MYO9B: variants seen among roughly 807,000 people sequenced by gnomAD.
The protein encoded by MYO9B is unconventional myosin-IXb.
A neutral mutation model predicts 229.5 loss-of-function variants in MYO9B; 71 were observed. The observed-to-expected ratio is 0.31, with a 90% confidence interval of 0.26 to 0.38. The LOEUF is 0.38. Among genes scored for constraint, MYO9B ranks in the 10% least tolerant of loss-of-function variants. MYO9B has a pLI of 1.00. For missense variants in MYO9B, 2,255 were observed against 2,920.5 expected (o/e 0.77, Z 5.25); for synonymous variants, 1,185 against 1,235.8 (o/e 0.96, Z 0.86).
intron 2 of MYO9B, among the ~76,000 whole-genome samples, chr19:17,133,309 T>C (rs1250192607): frequency 6.6e-6 from 1 of 152,188 alleles, no homozygotes; most frequent in South Asian, 2.1e-4. Context: ...TCTTCTCTCT[T>C]AGGAATTTTC....
intron 3 of MYO9B, among the ~76,000 whole-genome samples, chr19:17,145,933 GGGATGGATGGATGGATGGATGATGGAT>G (rs1316667716): frequency 4.0e-5 from 6 of 151,322 alleles, no homozygotes; most frequent in East Asian, 3.9e-4. Context: ...GACTCATGAG[GGGATGGATGGATGGATGGATGATGGAT>G]GGATGGATGG....
At chr19:17,157,696 A>G (rs967552272) in intron 7 of MYO9B, 25 of 153,050 alleles carry the variant, frequency 1.6e-4, no homozygotes, top group Admixed American at 1.6e-3. Context: ...CCTGTACAGC[A>G]TAGCGTCTGT....
At chr19:17,140,571 C>G (rs1047880817) in intron 2 of MYO9B, among the ~76,000 whole-genome samples, 9 of 151,902 alleles carry the variant, frequency 5.9e-5, no homozygotes, top group Non-Finnish European at 8.8e-5. Flanking sequence ...TCACCGCAAC[C>G]TCCGCCTCCC....
In MYO9B at chr19:17,101,828, T is replaced by G; in HGVS notation, c.111T>G (p.Thr37=). The part of the protein sequence containing the change: ...TTESQASCRV[T]ATKDSTTSDV... Reference sequence around the variant, plus strand: ...AGAGCCAGGCCTCGTGCCGCGTGACTGCCACCAAGGACAGCACCACCTCGG... The same window carrying G: ...AGAGCCAGGCCTCGTGCCGCGTGACGGCCACCAAGGACAGCACCACCTCGG... Residue 37 remains threonine, a synonymous_variant, in exon 2 of 40, where the codon ACT becomes ACG. Transcript: ENST00000682292. This position sits in a 1 kb window ranked among gnomAD's most constrained non-coding sequence, Gnocchi z 4.7. The G allele has an allele frequency of 6.2e-7, 1 of 1,608,752 alleles. No individual in the cohort carries two copies. The highest frequency in any genetic ancestry group is 8.5e-7 in the Non-Finnish European group (1 of 1,179,140).
chr19:17,137,766 CAG>C (rs1429452928), intron 2 of MYO9B, among the ~76,000 whole-genome samples: 2 of 151,932 alleles, frequency 1.3e-5, no homozygotes, highest in African/African-American at 2.4e-5. Flanking sequence ...TTATTTGAAA[CAG>C]AGTCTCGCTC....
In MYO9B at chr19:17,212,304, T is replaced by G; in HGVS notation, c.6468T>G (p.Asn2156Lys). ...TGCCCCCCGCCTCGGGCCAGACCAA[T>G]GGCTGAGAGCCACAGCTGACAAAGT... is the stretch of plus-strand genomic sequence containing the variant. Reference protein sequence around the residue: ...YCLPPASGQTNG With the variant: ...YCLPPASGQTKG The change falls in exon 40 of 40, where the codon AAT becomes AAG. Residue 2156 changes from asparagine to lysine, a missense_variant. By Grantham distance (94) the Asn-to-Lys change is moderately conservative. Around this residue, in one of 7 missense-constraint regions of MYO9B, gnomAD observed 331 missense variants for 332.5 expected, o/e 1.00. Coordinates refer to ENST00000682292, the MANE Select transcript of MYO9B (RefSeq NM_004145.4). The surrounding 1 kb of genome is among the most constrained non-coding windows in gnomAD (Gnocchi z 5.4). The G allele has an allele frequency of 6.7e-7, 1 of 1,497,388 alleles. No homozygotes were observed. Among genetic ancestry groups the G allele is most frequent in the Non-Finnish European group, 8.8e-7 (1 of 1,132,072 alleles). 92.8% of individuals were successfully genotyped at this position (1,497,388 alleles called of 1,614,324 possible). A position where few individuals can be genotyped will look rare whatever the true frequency, so the allele number is the denominator to read the frequency against.
chr19:17,128,016 T>C (rs976742239), intron 2 of MYO9B, among the ~76,000 whole-genome samples: 4 of 152,114 alleles, frequency 2.6e-5, no homozygotes, highest in Non-Finnish European at 4.4e-5. Flanking sequence ...AGCAGTAGCC[T>C]TGAACCTCCA....
At chr19:17,170,816 C>G (rs1269418827) in intron 11 of MYO9B, among the ~76,000 whole-genome samples, 1 of 141,054 alleles carries the variant, frequency 7.1e-6, no homozygotes, top group Admixed American at 7.3e-5. Context: ...AGAGCAAGAC[C>G]CCAGCTCTAA....
Position 17,102,137 on chromosome 19 carries a change from C to T in MYO9B, c.420C>T (p.Leu140=). ...CCCGGCGCCTAGTGGAGCGTGGCCT[C>T]CTGCCACGGCAGCAGGCGGACTTTG... ...TATRRLVERG[L]LPRQQADFDD... The change falls in exon 2 of 40, where the codon CTC becomes CTT. Residue 140 remains leucine (L), a synonymous_variant. Coordinates refer to ENST00000682292, the MANE Select transcript of MYO9B (RefSeq NM_004145.4). 2 of 1,613,642 alleles carry T rather than the reference C, an allele frequency of 1.2e-6. No homozygotes were observed. Among genetic ancestry groups the T allele is most frequent in the Non-Finnish European group, 1.7e-6 (2 of 1,179,890 alleles).
chr19:17,093,750 T>C (rs1042282750), intron 1 of MYO9B, among the ~76,000 whole-genome samples: 1 of 151,668 alleles, frequency 6.6e-6, no homozygotes, highest in Non-Finnish European at 1.5e-5. Context: ...TGCGGTGCAG[T>C]AGTGCAGTCA....
At chr19:17,088,167 A>G (rs2057601683) in intron 1 of MYO9B, among the ~76,000 whole-genome samples, 2 of 152,200 alleles carry the variant, frequency 1.3e-5, no homozygotes, top group Admixed American at 1.3e-4. Context: ...TGCCTGTTCT[A>G]GCTTCTGGGG....
At chr19:17,143,174 G>A (rs1458713273) in intron 2 of MYO9B, among the ~76,000 whole-genome samples, 1 of 152,160 alleles carries the variant, frequency 6.6e-6, no homozygotes, top group Admixed American at 6.5e-5. Context: ...GGGAGGTGGA[G>A]ATTGCCGTGA....
intron 2 of MYO9B, among the ~76,000 whole-genome samples, chr19:17,107,449 G>A (rs184416066): frequency 6.6e-6 from 1 of 152,262 alleles, no homozygotes; most frequent in East Asian, 1.9e-4. Context: ...TCCCCACCAC[G>A]TTGCTGCCTC....
At chr19:17,208,854 C>T (rs1470823399) in intron 35 of MYO9B, among the ~76,000 whole-genome samples, 2 of 152,020 alleles carry the variant, frequency 1.3e-5, no homozygotes, top group Non-Finnish European at 2.9e-5. Context: ...CTGGTACTGA[C>T]CACTCCAGAC....
chr19:17,202,412 C>A, intron 28 of MYO9B, 109 bp downstream of exon 28: 1 of 1,089,980 alleles, frequency 9.2e-7, no homozygotes, highest in Non-Finnish European at 1.3e-6. Flanking sequence ...CCACACCCAC[C>A]CATGCCCTGC....
rs1385835739 is a variant in MYO9B at position 17,192,900 on chromosome 19, G to A, written c.2966G>A (p.Cys989Tyr). 3 of 1,550,170 alleles carry A rather than the reference G, an allele frequency of 1.9e-6. No individual in the cohort carries two copies. The highest frequency in any genetic ancestry group is 3.9e-5 in the Admixed American group (2 of 51,002). The change falls in exon 21 of 40, where the codon TGC (cysteine) becomes TAC (tyrosine). Residue 989 changes from cysteine (C) to tyrosine (Y), a missense_variant. Physicochemically the swap from Cys to Tyr is radical, Grantham distance 194 (BLOSUM62 -2). Around this residue, in one of 7 missense-constraint regions of MYO9B, gnomAD observed 679 missense variants for 770.2 expected, o/e 0.88. Transcript: ENST00000682292. ...CGGGCCGCCGTCACCATCCAGGCCT[G>A]CTGGCGGTCCTACCGGGTCCGGAGG... ...MKRAAVTIQA[C>Y]WRSYRVRRAL...
intron 2 of MYO9B, among the ~76,000 whole-genome samples, chr19:17,112,446 G>A (rs916147831): frequency 2.6e-5 from 4 of 152,192 alleles, no homozygotes; most frequent in African/African-American, 7.2e-5. Flanking sequence ...CAGGGCGGAC[G>A]GGCCGGCTGG....
At position 17,213,142 on chromosome 19, in the gene MYO9B, A is replaced by G. The variant is rs999094792; in HGVS notation, c.*832A>G. 8 of 152,312 alleles carry G rather than the reference A, an allele frequency of 5.3e-5. No homozygotes were observed. The highest frequency in any genetic ancestry group is 1.9e-4 in the African/African-American group (8 of 41,474). The allele number at this position is 152,312 out of a possible 1,614,324, so 9.4% of individuals were successfully genotyped here. A position where few individuals can be genotyped will look rare whatever the true frequency, so the allele number is the denominator to read the frequency against. On this transcript the variant is annotated 3_prime_UTR_variant, in exon 40 of 40. Transcript: ENST00000682292. ...GCAACGCCTGAAGTCAGACCTCCCT[A>G]TAGGTCAACAGGGACAACCTGGGGA... is the stretch of plus-strand genomic sequence containing the variant.
chr19:17,165,111 C>G (rs2145327830), intron 10 of MYO9B, among the ~76,000 whole-genome samples: 1 of 152,204 alleles, frequency 6.6e-6, no homozygotes. Context: ...CTCAAGTGAT[C>G]CTCCCACGTT....
Sources: allele counts gnomAD v4.1 joint callset (sites outside exome capture counted in the v4.1 genomes callset), GRCh38; gene constraint gnomAD v4.1.1; regional missense constraint gnomAD v4.1.1; non-coding constraint Gnocchi (gnomAD v3.1); transcripts MANE v1.5; gene names NCBI Gene and HGNC (gene_info 2026-07-23, HGNC 2026-07-21).